Variants in DYNLRB1 observed in about 807,000 individuals in gnomAD.
DYNLRB1 encodes dynein light chain roadblock-type 1, also known as ROBL/LC7-like 1.
Under a neutral mutation model 13.5 loss-of-function variants are expected in DYNLRB1, and 6 were observed. That is an observed-to-expected ratio of 0.44 (90% CI 0.24 to 0.88). The LOEUF (loss-of-function observed/expected upper bound fraction) is 0.88, where lower values mean the gene tolerates loss of function less well. Ranked by LOEUF, DYNLRB1 falls within the 40% of genes least tolerant of loss-of-function variation. The probability of loss-of-function intolerance (pLI) is 0.21; values close to 1 mark genes in which losing one functional copy is unlikely to be tolerated. For synonymous variants in DYNLRB1, 43 were observed against 45.0 expected, an observed-to-expected ratio of 0.96 and a Z score of 0.18; for missense variants, 93 against 127.2, an observed-to-expected ratio of 0.73 and a Z score of 1.29.
intron 3 of DYNLRB1, among the ~76,000 whole-genome samples, chr20:34,540,312 C>G (rs1223041460): frequency 6.6e-6 from 1 of 152,200 alleles, no homozygotes; most frequent in East Asian, 1.9e-4. Context: ...TACCTGCTGC[C>G]ACTGTCGTGG....
At chr20:34,516,553 C>G in intron 1 of DYNLRB1, 92 bp downstream of exon 1, 1 of 1,579,874 alleles carries the variant, frequency 6.3e-7, no homozygotes, top group Non-Finnish European at 8.6e-7. Flanking sequence ...CTCAGAGCTC[C>G]GGACAGGGAA....
At position 34,526,330 on chromosome 20, in the gene DYNLRB1, C is replaced by T. The variant is rs778656203; in HGVS notation, c.66C>T (p.Val22=). The T allele has an allele frequency of 6.2e-6, 10 of 1,613,870 alleles. No individual in the cohort carries two copies. Among genetic ancestry groups the T allele is most frequent in the Middle Eastern group, 1.6e-4 (1 of 6,082 alleles). ...AGAAGGGAGTGCAGGGAATCATCGT[C>T]GTGAACACAGAAGGTACGCCCTCCC... ...QSQKGVQGII[V]VNTEGIPIKS... Residue 22 remains valine (V), a synonymous_variant, in exon 2 of 4, where the codon GTC becomes GTT. Coordinates refer to ENST00000357156, the MANE Select transcript of DYNLRB1 (RefSeq NM_014183.4).
At chr20:34,516,768 G>A in intron 1 of DYNLRB1, 2 of 1,550,092 alleles carry the variant, frequency 1.3e-6, no homozygotes. Context: ...TGGGGCCTTG[G>A]TGCGCGATGG....
At chr20:34,523,378 C>T (rs998863729) in intron 1 of DYNLRB1, among the ~76,000 whole-genome samples, 6 of 152,206 alleles carry the variant, frequency 3.9e-5, no homozygotes, top group African/African-American at 1.4e-4. Context: ...CCATGAATCA[C>T]GCCCAGTGAA....
intron 2 of DYNLRB1, chr20:34,530,455 A>G (rs1980623048): frequency 9.4e-6 from 2 of 211,748 alleles, no homozygotes; most frequent in Non-Finnish European, 1.6e-5. Context: ...AGTGCCTGGC[A>G]TGAAATGCCT....
rs955950391 is a variant in DYNLRB1 at position 34,534,022 on chromosome 20, T to G, written c.80-606T>G. Among the ~76,000 whole-genome samples, 3 of 150,872 alleles carry G rather than the reference T, an allele frequency of 2.0e-5. No individual in the cohort carries two copies. In the South Asian group the frequency reaches 6.3e-4, roughly 32 times the overall value. ...TGGGTGCTGTGGCACGCGCCTGTAA[T>G]CCCAGATACTTGGGAAACTGAGGCA... is the stretch of plus-strand genomic sequence containing the variant. On this transcript the variant is annotated intron_variant, in intron 2 of 3. Transcript: ENST00000357156.
chr20:34,516,442 T>TAA lies in DYNLRB1; in HGVS notation c.-16_-15insAA, dbSNP rs772840622. On this transcript the variant is annotated 5_prime_UTR_variant, in exon 1 of 4. Coordinates refer to ENST00000357156, the MANE Select transcript of DYNLRB1 (RefSeq NM_014183.4). The stretch of plus-strand genomic sequence containing the variant: ...TCGCTAAGTGTTCGCTACGCGGGGC[T>TAA]ACCGGATCGGTCGGAAATGGTGAGC... 1 of 1,613,396 alleles carries TAA rather than the reference T, an allele frequency of 6.2e-7. No individual in the cohort carries two copies. The highest frequency in any genetic ancestry group is 8.5e-7 in the Non-Finnish European group (1 of 1,179,614).
chr20:34,523,025 C>T (rs750043343), intron 1 of DYNLRB1, among the ~76,000 whole-genome samples: 1 of 152,134 alleles, frequency 6.6e-6, no homozygotes, highest in African/African-American at 2.4e-5. Flanking sequence ...GGGTGCCTTG[C>T]GTCTGGAGGA....
Position 34,534,628 on chromosome 20 carries a change from G to C in DYNLRB1, c.80G>C (p.Gly27Ala), listed in dbSNP as rs758028742. 6.4e-7 allele frequency: 1 copy of C among 1,560,268 alleles called. No homozygotes were observed. The highest frequency in any genetic ancestry group is 8.7e-7 in the Non-Finnish European group (1 of 1,152,720). Residue 27 changes from glycine to alanine, a missense_variant and splice_region_variant, in exon 3 of 4, where the codon GGC becomes GCC. Coordinates refer to ENST00000357156, the MANE Select transcript of DYNLRB1 (RefSeq NM_014183.4). Reference sequence around the variant, plus strand: ...CAGTCTCCGTCTGCTCTCCCCTCAGGCATTCCCATCAAGAGCACCATGGAC... The same window carrying C: ...CAGTCTCCGTCTGCTCTCCCCTCAGCCATTCCCATCAAGAGCACCATGGAC... ...VQGIIVVNTE[G>A]IPIKSTMDNP...
At chr20:34,517,580 G>GGCTATATTTATTATAGAATATCCA (rs1315271486) in intron 1 of DYNLRB1, among the ~76,000 whole-genome samples, 1 of 151,488 alleles carries the variant, frequency 6.6e-6, no homozygotes, top group Non-Finnish European at 1.5e-5. Context: ...GATCAAATCA[G>GGCTATATTTATTATAGAATATCCA]GCTATATTTA....
chr20:34,537,142 A>C (rs1290592495), intron 3 of DYNLRB1, among the ~76,000 whole-genome samples: 1 of 151,758 alleles, frequency 6.6e-6, no homozygotes, highest in Non-Finnish European at 1.5e-5. Context: ...TTGTCAGTGG[A>C]GGAGGATGAG....
intron 3 of DYNLRB1, chr20:34,535,494 A>C: frequency 1.3e-6 from 1 of 749,402 alleles, no homozygotes; most frequent in Non-Finnish European, 1.6e-6. Context: ...AGGAGCCCAC[A>C]AGGATGGGAG....
chr20:34,539,163 A>G lies in DYNLRB1; in HGVS notation c.248-1418A>G, dbSNP rs112380607. Among the ~76,000 whole-genome samples the G allele has an allele frequency of 3.5e-3, 526 of 152,338 alleles. 2 individuals are homozygous for G. Among genetic ancestry groups the G allele is most frequent in the African/African-American group, 0.011 (449 of 41,574 alleles). Reference sequence around the variant, plus strand: ...TCAGTGTCTTTTACTCCAAATCATCAAGCCCTAAATGCAACAATACCACTT... The same window carrying G: ...TCAGTGTCTTTTACTCCAAATCATCGAGCCCTAAATGCAACAATACCACTT... On this transcript the variant is annotated intron_variant, in intron 3 of 3. Transcript: ENST00000357156.
intron 2 of DYNLRB1, 84 bp downstream of exon 2, chr20:34,526,427 G>A (rs1980219360): frequency 7.7e-7 from 1 of 1,296,062 alleles, no homozygotes; most frequent in Non-Finnish European, 1.1e-6. Flanking sequence ...TGTTCACTAA[G>A]CCCTTCATGA....
Position 34,535,018 on chromosome 20 carries a change from TAGAC to T in DYNLRB1, c.247+229_247+232del, listed in dbSNP as rs1020221661. 53 of 1,391,658 alleles carry T rather than the reference TAGAC, an allele frequency of 3.8e-5. No individual in the cohort carries two copies. The African/African-American group carries it at 5.5e-4, about 15-fold the overall frequency. 86.2% of individuals were successfully genotyped at this position (1,391,658 alleles called of 1,614,324 possible). ...AGAGGGTAACCCCAGTCTCCTGAGA[TAGAC>T]AGACACGTGAGCATCATGTGTGTCT... On this transcript the variant is annotated intron_variant, in intron 3 of 3. Transcript: ENST00000357156.
chr20:34,535,835 G>A (rs1045983649), intron 3 of DYNLRB1: 2 of 985,264 alleles, frequency 2.0e-6, no homozygotes, highest in East Asian at 1.1e-4. Flanking sequence ...AGGGCAGGAG[G>A]TGATAGGATT....
intron 3 of DYNLRB1, chr20:34,535,363 CA>C: frequency 3.0e-6 from 3 of 985,142 alleles, no homozygotes; most frequent in Non-Finnish European, 3.6e-6. Context: ...CGCACGGGAG[CA>C]GATTGCTTTG....
intron 1 of DYNLRB1, among the ~76,000 whole-genome samples, chr20:34,518,395 C>G (rs1229807955): frequency 1.3e-5 from 2 of 151,944 alleles, no homozygotes; most frequent in Admixed American, 6.6e-5. Context: ...GTAATACTTG[C>G]ACACAGTAAA....
chr20:34,516,775 A>G (rs1037298829), intron 1 of DYNLRB1: 1 of 1,550,134 alleles, frequency 6.5e-7, no homozygotes, highest in South Asian at 1.2e-5. Context: ...TTGGTGCGCG[A>G]TGGCAACCCT....
Sources: allele counts gnomAD v4.1 joint callset (sites outside exome capture counted in the v4.1 genomes callset), GRCh38; gene constraint gnomAD v4.1.1; transcripts MANE v1.5; gene names NCBI Gene and HGNC (gene_info 2026-07-23, HGNC 2026-07-21).